The following ADGRL3 variants were observed in gnomAD, a reference collection of about 807,000 sequenced individuals.
ADGRL3 encodes the protein adhesion G protein-coupled receptor L3.
In ADGRL3, 62 loss-of-function variants were observed where a neutral mutation model predicts 153.5. The ratio of observed to expected loss-of-function variants is 0.40; its 90% CI spans 0.33 to 0.50. The LOEUF (loss-of-function observed/expected upper bound fraction) is 0.50. Among genes scored for constraint, ADGRL3 ranks in the 20% least tolerant of loss-of-function variants. The pLI, the probability that ADGRL3 is intolerant of heterozygous loss-of-function variation, is 0.47. For synonymous variants in ADGRL3, 710 were observed against 672.5 expected (o/e 1.06, Z -0.86); for missense variants, 1,641 against 1,859.4 (o/e 0.88, Z 2.16).
At chr4:61,331,664 A>T (rs561709433) in intron 1 of ADGRL3, among the ~76,000 whole-genome samples, 156 of 152,234 alleles carry the variant, frequency 1.0e-3, no homozygotes, top group African/African-American at 3.5e-3. Flanking sequence ...TGAATTTTGT[A>T]TTTAGTTATC....
intron 2 of ADGRL3, among the ~76,000 whole-genome samples, chr4:61,466,868 G>A (rs1021518382): frequency 3.3e-5 from 5 of 151,816 alleles, no homozygotes; most frequent in African/African-American, 1.2e-4. Flanking sequence ...ATCTTGAGTG[G>A]CCACATTAAT....
intron 2 of ADGRL3, among the ~76,000 whole-genome samples, chr4:61,485,273 G>A (rs931407134): frequency 5.3e-5 from 8 of 151,996 alleles, no homozygotes; most frequent in Non-Finnish European, 7.4e-5. Flanking sequence ...ATTATATTGC[G>A]ATATTTTGTG....
At chr4:61,560,902 G>C (rs191664773) in intron 4 of ADGRL3, among the ~76,000 whole-genome samples, 3 of 152,022 alleles carry the variant, frequency 2.0e-5, no homozygotes. Flanking sequence ...TAAGGTTGTA[G>C]CTATTTTCTT....
chr4:61,746,542 G>A (rs1319194556), intron 8 of ADGRL3, among the ~76,000 whole-genome samples: 1 of 152,090 alleles, frequency 6.6e-6, no homozygotes, highest in African/African-American at 2.4e-5. Context: ...TAGAACTCAG[G>A]ATTAAGAAAC....
intron 8 of ADGRL3, among the ~76,000 whole-genome samples, chr4:61,793,578 G>A (rs1176778610): frequency 6.6e-6 from 1 of 151,994 alleles, no homozygotes; most frequent in African/African-American, 2.4e-5. Flanking sequence ...ATGAGATTTG[G>A]GTGGGGACAC....
chr4:61,805,047 C>T (rs2097539662), intron 8 of ADGRL3, among the ~76,000 whole-genome samples: 1 of 151,772 alleles, frequency 6.6e-6, no homozygotes, highest in African/African-American at 2.4e-5. Flanking sequence ...CCTCCACCTC[C>T]CGGATTCAAG....
At chr4:61,257,178 A>C (rs539933705) in intron 1 of ADGRL3, among the ~76,000 whole-genome samples, 4 of 152,276 alleles carry the variant, frequency 2.6e-5, no homozygotes, top group African/African-American at 7.2e-5. Flanking sequence ...CAGGATCAAA[A>C]TGTGGTATTT....
rs1189754449 is a variant in ADGRL3, at chr4:61,433,137, A to G, written c.-174+49948A>G. Among the ~76,000 whole-genome samples the G allele has an allele frequency of 2.0e-5, 3 of 152,144 alleles. No homozygotes were observed. In the East Asian group the frequency reaches 5.8e-4, roughly 29 times the overall value. ...TGTGCTATAATGTTATGGGCTCATT[A>G]TATATAAAGACTATGTCTATTTTCT... On this transcript the variant is annotated intron_variant, in intron 2 of 26. Coordinates refer to ENST00000683033, the MANE Select transcript of ADGRL3 (RefSeq NM_001387552.1).
intron 13 of ADGRL3, among the ~76,000 whole-genome samples, chr4:61,921,790 T>C (rs2098770755): frequency 6.6e-6 from 1 of 152,208 alleles, no homozygotes; most frequent in South Asian, 2.1e-4. Context: ...AATCTTGTCA[T>C]ACAATCACAA....
At chr4:61,337,332 GT>G (rs772841220) in intron 1 of ADGRL3, among the ~76,000 whole-genome samples, 4 of 152,160 alleles carry the variant, frequency 2.6e-5, no homozygotes, top group Non-Finnish European at 4.4e-5. Flanking sequence ...CAGCAGACAA[GT>G]GACAGTTACA....
intron 8 of ADGRL3, among the ~76,000 whole-genome samples, chr4:61,748,699 A>G (rs2096708454): frequency 6.6e-6 from 1 of 152,194 alleles, no homozygotes. Context: ...CACCTTATAC[A>G]AAAATTAATT....
chr4:61,259,306 C>T (rs1333724018), intron 1 of ADGRL3, among the ~76,000 whole-genome samples: 1 of 151,888 alleles, frequency 6.6e-6, no homozygotes, highest in Non-Finnish European at 1.5e-5. Flanking sequence ...ACCTGTAGTC[C>T]CAGCTACTCA....
intron 5 of ADGRL3, among the ~76,000 whole-genome samples, chr4:61,633,989 A>G (rs898573715): frequency 1.3e-5 from 2 of 151,540 alleles, no homozygotes; most frequent in Admixed American, 6.6e-5. Context: ...TATTGGAGCA[A>G]CTCTAATACC....
chr4:61,924,316 T>C (rs1377068544), intron 13 of ADGRL3, among the ~76,000 whole-genome samples: 1 of 152,128 alleles, frequency 6.6e-6, no homozygotes, highest in Non-Finnish European at 1.5e-5. Flanking sequence ...CCCTTAAGCT[T>C]GGAGTGCCCC....
intron 8 of ADGRL3, among the ~76,000 whole-genome samples, chr4:61,797,800 C>A (rs988610634): frequency 2.6e-5 from 4 of 152,132 alleles, no homozygotes; most frequent in South Asian, 4.1e-4. Context: ...GGTTAATTTT[C>A]TCCTTCATGT....
chr4:61,839,147 T>C (rs1561334616), intron 9 of ADGRL3, among the ~76,000 whole-genome samples: 1 of 152,220 alleles, frequency 6.6e-6, no homozygotes, highest in Non-Finnish European at 1.5e-5. Flanking sequence ...TGTGGTATAC[T>C]TTTTTATATA....
chr4:61,582,551 G>A (rs2098930282), intron 4 of ADGRL3, among the ~76,000 whole-genome samples: 1 of 151,874 alleles, frequency 6.6e-6, no homozygotes, highest in Admixed American at 6.6e-5. Context: ...GTATTCTGTG[G>A]TGTATATGTA....
In ADGRL3 at chr4:61,909,568, T is replaced by C; in HGVS notation, c.1896T>C (p.Ser632=). 6.2e-7 allele frequency: 1 copy of C among 1,610,548 alleles called. No homozygotes were observed. Among genetic ancestry groups the C allele is most frequent in the Non-Finnish European group, 8.5e-7 (1 of 1,178,534 alleles). Residue 632 remains serine (S), a synonymous_variant, in exon 12 of 27, where the codon TCT becomes TCC. Transcript: ENST00000683033. ...CCATTTAAAAATTATAGTTGAAATC[T>C]GGTGAAACAGCTGCCAACATTGCTA... ...WVNHITQKLK[S]GETAANIARE... is the part of the protein sequence containing the mutation.
chr4:61,427,043 C>T (rs35385654), intron 2 of ADGRL3: 19,346 of 152,138 alleles, frequency 0.13, 1,727 homozygotes, highest in East Asian at 0.24. Context: ...CTGAGGGCCA[C>T]CATGGCAGTA....
Sources: gnomAD v4.1 joint callset for allele counts (sites outside exome capture counted in the v4.1 genomes callset) on GRCh38, gnomAD v4.1.1 for gene constraint, MANE v1.5 for transcripts, NCBI Gene and HGNC (gene_info 2026-07-23, HGNC 2026-07-21) for gene names.